The following MCM6 variants were observed in gnomAD, a reference collection of about 807,000 sequenced individuals.
MCM6 encodes DNA replication licensing factor MCM6.
A neutral mutation model predicts 94.3 loss-of-function variants in MCM6; 46 were observed. That is an observed-to-expected ratio of 0.49 (90% CI 0.39 to 0.62). MCM6 has a LOEUF of 0.62. Among genes scored for constraint, MCM6 ranks in the 20% least tolerant of loss-of-function variants. The pLI is 0.00. For missense variants in MCM6, 865 were observed against 1,017.9 expected (o/e 0.85, Z 2.04); for synonymous variants, 335 against 351.9 (o/e 0.95, Z 0.54).
intron 16 of MCM6, 43 bp downstream of exon 16, chr2:135,844,502 C>A: frequency 7.1e-7 from 1 of 1,405,658 alleles, no homozygotes; most frequent in South Asian, 1.9e-5. Flanking sequence ...GGCATGAACT[C>A]CCTCCCTCCC....
chr2:135,856,865 T>C lies in MCM6; in HGVS notation c.1489A>G (p.Thr497Ala), dbSNP rs1162022549. 9.3e-6 allele frequency: 15 copies of C among 1,614,032 alleles called. No individual in the cohort carries two copies. The highest frequency in any genetic ancestry group is 1.3e-5 in the Non-Finnish European group (15 of 1,179,948). Reference protein sequence around the residue: ...AGVKATLNARTSILAAANPIS... With the variant: ...AGVKATLNARASILAAANPIS... ...GGGTTTGCTGCTGCCAAAATGGACG[T>C]CCGGGCGTTCAGAGTAGCCTGACCA... Residue 497 changes from threonine (T) to alanine (A), a missense_variant, in exon 11 of 17, where the codon ACG becomes GCG. Thr to Ala is a moderately conservative substitution (Grantham distance 58, BLOSUM62 0). Transcript: ENST00000264156.
At chr2:135,857,060 A>T (rs1221065066) in intron 10 of MCM6, among the ~76,000 whole-genome samples, 177 bp from the exon 11 acceptor site, 1 of 152,184 alleles carries the variant, frequency 6.6e-6, no homozygotes, top group Non-Finnish European at 1.5e-5. Flanking sequence ...CACACCATTG[A>T]AGACATCAAT....
chr2:135,865,346 A>G (rs528891831), intron 6 of MCM6, among the ~76,000 whole-genome samples, 183 bp from the exon 7 acceptor site: 80 of 152,356 alleles, frequency 5.3e-4, no homozygotes, highest in African/African-American at 1.9e-3. Flanking sequence ...AAAGACACTT[A>G]AGGGTATGTC....
intron 1 of MCM6, among the ~76,000 whole-genome samples, chr2:135,875,434 C>A (rs1680276986): frequency 6.6e-6 from 1 of 151,990 alleles, no homozygotes; most frequent in Non-Finnish European, 1.5e-5. Context: ...CTTAGTGCCA[C>A]TGGACTCTAC....
rs113168311 is a variant in MCM6 at position 135,867,376 on chromosome 2, C to A, written c.616-648G>T. Among the ~76,000 whole-genome samples the A allele has an allele frequency of 9.2e-5, 14 of 152,136 alleles. No homozygotes were observed. The South Asian group carries it at 2.7e-3, about 29-fold the overall frequency. ...TCCTTTATACAGTTGTGTTCCCCCC[C>A]CCAAACTAAGACCCAATCTAGATTC... On this transcript the variant is annotated intron_variant, in intron 4 of 16. Transcript: ENST00000264156.
chr2:135,847,541 C>G (rs74266308), intron 14 of MCM6, among the ~76,000 whole-genome samples: 10,008 of 152,200 alleles, frequency 0.066, 885 homozygotes, highest in African/African-American at 0.2. Context: ...CACCATTTTG[C>G]TGCCTTTTCT....
rs757006962 is a variant in MCM6 at position 135,868,690 on chromosome 2, A to G, written c.536T>C (p.Ile179Thr). ...GTTGGCACAAACTGGATTTCGGCAG[A>G]TGTTTGGCTGTGTGTATTTGAACTG... ...EQQFKYTQPN[I>T]CRNPVCANRR... The change falls in exon 4 of 17, where the codon ATC (isoleucine) becomes ACC (threonine). Residue 179 changes from isoleucine to threonine, a missense_variant. Physicochemically the swap from Ile to Thr is moderately conservative, Grantham distance 89. Coordinates refer to ENST00000264156, the MANE Select transcript of MCM6 (RefSeq NM_005915.6). 1.9e-6 allele frequency: 3 copies of G among 1,614,212 alleles called. No homozygotes were observed. Among genetic ancestry groups the G allele is most frequent in the Middle Eastern group, 1.6e-4 (1 of 6,062 alleles).
chr2:135,840,764 C>T lies in MCM6; in HGVS notation c.*71G>A. On this transcript the variant is annotated 3_prime_UTR_variant, in exon 17 of 17. Coordinates refer to ENST00000264156, the MANE Select transcript of MCM6 (RefSeq NM_005915.6). The stretch of plus-strand genomic sequence containing the variant: ...AGAAACACTTCTGTCCCTAGCAGAG[C>T]TCCAGCCAGGCTCCAGGCCACGAGG... 2.9e-6 allele frequency: 3 copies of T among 1,032,808 alleles called. No individual in the cohort carries two copies. The highest frequency in any genetic ancestry group is 4.6e-6 in the Non-Finnish European group (3 of 656,162). 64.0% of individuals were successfully genotyped at this position (1,032,808 alleles called of 1,614,324 possible).
At chr2:135,854,981 C>T (rs935183885) in intron 11 of MCM6, among the ~76,000 whole-genome samples, 6 of 151,922 alleles carry the variant, frequency 3.9e-5, no homozygotes, top group Admixed American at 2.6e-4. Context: ...ATGGTGAAAC[C>T]CTGTCTCTAG....
intron 15 of MCM6, 64 bp from the exon 16 acceptor site, chr2:135,844,748 T>C (rs1679639551): frequency 7.0e-7 from 1 of 1,436,892 alleles, no homozygotes; most frequent in South Asian, 1.6e-5. Flanking sequence ...TGGGTAAATC[T>C]CTGCCACATA....
chr2:135,862,566 G>A, intron 8 of MCM6, 41 bp downstream of exon 8: 1 of 1,611,204 alleles, frequency 6.2e-7, no homozygotes, highest in Non-Finnish European at 8.5e-7. Context: ...TGGGAACTAT[G>A]TACACTTTTT....
chr2:135,857,753 A>G (rs934975025), intron 10 of MCM6, 144 bp downstream of exon 10: 9 of 616,764 alleles, frequency 1.5e-5, no homozygotes, highest in Admixed American at 9.0e-5. Flanking sequence ...GTTTCAATAA[A>G]TAATTCTCAG....
chr2:135,867,147 T>C lies in MCM6; in HGVS notation c.616-419A>G, dbSNP rs1680107162. 2.0e-5 allele frequency among the ~76,000 whole-genome samples: 3 copies of C among 152,242 alleles called. 1 individual carries two copies. The South Asian group carries it at 6.2e-4, about 31-fold the overall frequency. ...CACAACTGCTAACATTATTTACAGA[T>C]ACATGTTTTTTTACTATGTATTTGA... On this transcript the variant is annotated intron_variant, in intron 4 of 16. Transcript: ENST00000264156.
Position 135,856,727 on chromosome 2 carries a change from C to G in MCM6, c.1626+1G>C. ...ATAAAAAAGGAAGCTCATGGGGTTA[C>G]CTCATTACATTCATCCACAAGGATA... On this transcript the variant is annotated splice_donor_variant, in intron 11 of 16. Transcript: ENST00000264156. LOFTEE classifies it high-confidence loss of function. 6.2e-7 allele frequency: 1 copy of G among 1,613,860 alleles called. No homozygotes were observed. The highest frequency in any genetic ancestry group is 8.5e-7 in the Non-Finnish European group (1 of 1,179,906).
intron 7 of MCM6, 92 bp downstream of exon 7, chr2:135,864,921 G>T: frequency 9.6e-7 from 1 of 1,044,558 alleles, no homozygotes; most frequent in Non-Finnish European, 1.3e-6. Flanking sequence ...AACTTTCACA[G>T]TCTGATTTAT....
At position 135,876,311 on chromosome 2, in the gene MCM6, G is replaced by C; in HGVS notation, c.55C>G (p.Arg19Gly). 1.2e-6 allele frequency: 2 copies of C among 1,611,232 alleles called. No homozygotes were observed. Among genetic ancestry groups the C allele is most frequent in the Non-Finnish European group, 1.7e-6 (2 of 1,179,490 alleles). ...PGAGSQHLEV[R>G]DEVAEKCQKL... ...TGGCACTTCTCGGCCACCTCGTCGC[G>C]GACCTCCAGGTGCTGGCTGCCGGCG... Residue 19 changes from arginine (R) to glycine (G), a missense_variant, in exon 1 of 17, where the codon CGC becomes GGC. Transcript: ENST00000264156.
chr2:135,870,115 G>A, intron 3 of MCM6, 136 bp downstream of exon 3: 1 of 593,214 alleles, frequency 1.7e-6, no homozygotes, highest in Non-Finnish European at 3.1e-6. Flanking sequence ...GGCTCAGGGA[G>A]GTAAAAGTGA....
In MCM6 at chr2:135,845,550, A is replaced by T. The variant is rs575146621; in HGVS notation, c.2209+687T>A. 2.6e-5 allele frequency among the ~76,000 whole-genome samples: 4 copies of T among 152,342 alleles called. No homozygotes were observed. The South Asian group carries it at 6.2e-4, about 24-fold the overall frequency. On this transcript the variant is annotated intron_variant, in intron 15 of 16. Coordinates refer to ENST00000264156, the MANE Select transcript of MCM6 (RefSeq NM_005915.6). ...ACAATCTCTTGTTCTCTTCTTTCAT[A>T]GCAGAGCAAATACTGTGATGACAAA...
chr2:135,869,433 T>G (rs1680163045), intron 3 of MCM6, among the ~76,000 whole-genome samples: 2 of 151,204 alleles, frequency 1.3e-5, no homozygotes, highest in African/African-American at 2.4e-5. Flanking sequence ...AGAATGATCC[T>G]GTTTTTGTTT....
Sources: allele counts gnomAD v4.1 joint callset (sites outside exome capture counted in the v4.1 genomes callset), GRCh38; gene constraint gnomAD v4.1.1; transcripts MANE v1.5; gene names NCBI Gene and HGNC (gene_info 2026-07-23, HGNC 2026-07-21).